Variants in CHSY3 observed in about 807,000 individuals in gnomAD.
CHSY3 encodes chondroitin sulfate synthase 3.
A neutral mutation model predicts 67.2 loss-of-function variants in CHSY3; 35 were observed. That is an observed-to-expected ratio of 0.52 (90% CI 0.40 to 0.69). CHSY3 has a LOEUF of 0.69. Ranked by LOEUF, CHSY3 falls within the 30% of genes least tolerant of loss-of-function variation. The pLI is 0.00. For synonymous variants in CHSY3, 474 were observed against 434.7 expected, an observed-to-expected ratio of 1.09 and a Z score of -1.12; for missense variants, 1,069 against 1,138.5, an observed-to-expected ratio of 0.94 and a Z score of 0.88.
intron 2 of CHSY3, among the ~76,000 whole-genome samples, chr5:129,935,586 T>C (rs1171735829): frequency 6.6e-6 from 1 of 152,152 alleles, no homozygotes; most frequent in African/African-American, 2.4e-5. Context: ...TATTCACAAA[T>C]TGAAGTGCTT....
At chr5:130,048,753 C>T (rs1765232075) in intron 2 of CHSY3, among the ~76,000 whole-genome samples, 1 of 151,950 alleles carries the variant, frequency 6.6e-6, no homozygotes, top group African/African-American at 2.4e-5. Flanking sequence ...CCCCAGTCAT[C>T]TTCCAACTTG....
chr5:129,979,186 C>A (rs185547597), intron 2 of CHSY3, among the ~76,000 whole-genome samples: 1,398 of 109,558 alleles, frequency 0.013, 22 homozygotes, highest in African/African-American at 0.047. Context: ...GGTGAGACAG[C>A]GAGACTCCGT....
chr5:130,122,870 A>T (rs1768094506), intron 2 of CHSY3, among the ~76,000 whole-genome samples: 1 of 152,222 alleles, frequency 6.6e-6, no homozygotes, highest in Admixed American at 6.5e-5. Context: ...GAAAATGACT[A>T]AAATAGGGAG....
intron 2 of CHSY3, among the ~76,000 whole-genome samples, chr5:129,943,681 G>T (rs942773132): frequency 3.3e-5 from 5 of 152,092 alleles, no homozygotes; most frequent in Admixed American, 6.6e-5. Context: ...TAACTACTTT[G>T]CAGACAGGTA....
intron 2 of CHSY3, among the ~76,000 whole-genome samples, chr5:130,074,447 TAA>T (rs1255315565): frequency 2.0e-5 from 3 of 152,156 alleles, no homozygotes; most frequent in African/African-American, 7.2e-5. Flanking sequence ...CAGAGTAGAA[TAA>T]AACCGTTAAA....
chr5:130,011,157 C>A (rs2149646891), intron 2 of CHSY3, among the ~76,000 whole-genome samples: 1 of 152,208 alleles, frequency 6.6e-6, no homozygotes, highest in African/African-American at 2.4e-5. Context: ...CAAAACCTTG[C>A]AGAAACCAAA....
At chr5:129,986,433 C>G (rs1280156129) in intron 2 of CHSY3, among the ~76,000 whole-genome samples, 4 of 151,934 alleles carry the variant, frequency 2.6e-5, no homozygotes, top group African/African-American at 9.7e-5. Context: ...TTTGCAATTA[C>G]TTGTTGAGGA....
intron 2 of CHSY3, among the ~76,000 whole-genome samples, chr5:130,144,131 A>G (rs1370638214): frequency 6.6e-6 from 1 of 151,268 alleles, no homozygotes; most frequent in African/African-American, 2.4e-5. Context: ...TATCTTTCCA[A>G]GCAAAAAAAA....
At chr5:129,986,536 A>C (rs1266598807) in intron 2 of CHSY3, among the ~76,000 whole-genome samples, 1 of 152,100 alleles carries the variant, frequency 6.6e-6, no homozygotes, top group Non-Finnish European at 1.5e-5. Context: ...GATGCTGGCC[A>C]CATAGAATGA....
chr5:129,978,068 A>G (rs991037489), intron 2 of CHSY3, among the ~76,000 whole-genome samples: 26 of 152,300 alleles, frequency 1.7e-4, no homozygotes, highest in Admixed American at 1.3e-4. Context: ...CCAGAAAGTA[A>G]ATGTGTTAAT....
chr5:130,102,544 C>A (rs1223892130), intron 2 of CHSY3, among the ~76,000 whole-genome samples: 1 of 151,622 alleles, frequency 6.6e-6, no homozygotes, highest in Non-Finnish European at 1.5e-5. Flanking sequence ...TAGCAGTAAC[C>A]ACATTTGCCT....
chr5:129,938,093 C>T (rs1368768528), intron 2 of CHSY3, among the ~76,000 whole-genome samples: 1 of 152,222 alleles, frequency 6.6e-6, no homozygotes, highest in Non-Finnish European at 1.5e-5. Flanking sequence ...CCTCTGTGCA[C>T]CCAGAGGCTT....
chr5:130,059,578 C>T (rs2149675770), intron 2 of CHSY3, among the ~76,000 whole-genome samples: 1 of 152,190 alleles, frequency 6.6e-6, no homozygotes. Context: ...AACTTGGTTA[C>T]ATCTGCAAAA....
intron 2 of CHSY3, among the ~76,000 whole-genome samples, chr5:130,126,219 G>A (rs558168467): frequency 4.9e-4 from 75 of 151,576 alleles, no homozygotes; most frequent in African/African-American, 1.5e-3. Context: ...ATTTCCTGCC[G>A]AATGGCCTCT....
At chr5:129,957,227 A>G (rs968595643) in intron 2 of CHSY3, among the ~76,000 whole-genome samples, 1 of 151,942 alleles carries the variant, frequency 6.6e-6, no homozygotes, top group Non-Finnish European at 1.5e-5. Context: ...TTTTATAGCA[A>G]TTGTGAATGG....
intron 2 of CHSY3, among the ~76,000 whole-genome samples, chr5:130,136,803 A>G (rs1768679265): frequency 6.6e-6 from 1 of 152,286 alleles, no homozygotes; most frequent in East Asian, 1.9e-4. Context: ...TAAAATATAA[A>G]GATTTATTTA....
rs749263358 is a variant in CHSY3 at position 130,184,774 on chromosome 5, A to G, written c.1632A>G (p.Leu544=). The change falls in exon 3 of 3, where the codon TTA becomes TTG. Residue 544 remains leucine, a synonymous_variant. Transcript: ENST00000305031. ...AGTACATTTTGGATTTACTCCTTTTATACAAAAGACACAAGGGAAGGAAAC... is the reference window on the plus strand; with the variant it reads ...AGTACATTTTGGATTTACTCCTTTTGTACAAAAGACACAAGGGAAGGAAAC... ...GVEYILDLLL[L]YKRHKGRKLT... 22 of 1,603,220 alleles carry G rather than the reference A, an allele frequency of 1.4e-5. No homozygotes were observed. Among genetic ancestry groups the G allele is most frequent in the Non-Finnish European group, 1.8e-5 (21 of 1,170,146 alleles).
intron 2 of CHSY3, among the ~76,000 whole-genome samples, chr5:130,126,233 G>A (rs1489211471): frequency 6.6e-6 from 1 of 151,472 alleles, no homozygotes; most frequent in Non-Finnish European, 1.5e-5. Context: ...GGCCTCTGAT[G>A]GGCTTATTAA....
intron 2 of CHSY3, among the ~76,000 whole-genome samples, chr5:130,176,544 G>A (rs866622759): frequency 1.3e-4 from 20 of 152,104 alleles, no homozygotes; most frequent in African/African-American, 3.9e-4. Context: ...ACATGCACAC[G>A]TATGTTTATT....
Sources: allele counts gnomAD v4.1 joint callset (sites outside exome capture counted in the v4.1 genomes callset), GRCh38; gene constraint gnomAD v4.1.1; transcripts MANE v1.5; gene names NCBI Gene and HGNC (gene_info 2026-07-23, HGNC 2026-07-21).